Variants in RARS1 observed in about 807,000 individuals in gnomAD.
The protein encoded by RARS1 is arginyl-tRNA synthetase 1, also known as arginine--tRNA ligase, cytoplasmic.
Under a neutral mutation model 78.7 loss-of-function variants are expected in RARS1, and 75 were observed. The ratio of observed to expected loss-of-function variants is 0.95; its 90% CI spans 0.79 to 1.15. The LOEUF is 1.15. Among genes scored for constraint, RARS1 ranks in the 50% most tolerant of loss-of-function variants. The pLI, the probability that RARS1 is intolerant of heterozygous loss-of-function variation, is 0.00. For synonymous variants in RARS1, 273 were observed against 268.2 expected, an observed-to-expected ratio of 1.02 and a Z score of -0.18; for missense variants, 787 against 787.5, an observed-to-expected ratio of 1.00 and a Z score of 0.01.
chr5:168,486,564 C>T (rs747909847), intron 1 of RARS1, 21 bp downstream of exon 1: 1 of 1,552,916 alleles, frequency 6.4e-7, no homozygotes, highest in South Asian at 1.2e-5. Context: ...AGGAGACCGG[C>T]GGGAAGGCCT....
intron 1 of RARS1, among the ~76,000 whole-genome samples, chr5:168,487,288 C>A (rs914770689): frequency 1.3e-5 from 2 of 151,956 alleles, no homozygotes; most frequent in African/African-American, 4.8e-5. Flanking sequence ...ATGGCGTGAA[C>A]CCGGGAGGCG....
intron 13 of RARS1, 144 bp downstream of exon 13, chr5:168,517,094 G>A: frequency 3.6e-6 from 3 of 823,484 alleles, no homozygotes; most frequent in South Asian, 1.8e-5. Context: ...GAGTAGCTGG[G>A]ATTACTGACA....
chr5:168,517,665 A>G (rs765163403), intron 13 of RARS1, 150 bp from the exon 14 acceptor site: 15 of 1,063,546 alleles, frequency 1.4e-5, no homozygotes, highest in African/African-American at 4.8e-5. Context: ...AGATCTGGCT[A>G]TTAGTTTTGC....
intron 9 of RARS1, among the ~76,000 whole-genome samples, chr5:168,504,593 G>A (rs1289510201): frequency 1.3e-5 from 2 of 151,632 alleles, no homozygotes; most frequent in Non-Finnish European, 2.9e-5. Flanking sequence ...TTGGGAGGCC[G>A]AGGCAGGCGG....
At chr5:168,511,346 A>G (rs1485595269) in intron 12 of RARS1, among the ~76,000 whole-genome samples, 1 of 152,104 alleles carries the variant, frequency 6.6e-6, no homozygotes, top group Non-Finnish European at 1.5e-5. Context: ...GGAAGGCCTC[A>G]GGGAACTTTT....
At chr5:168,499,674 G>T (rs1006832961) in intron 7 of RARS1, among the ~76,000 whole-genome samples, 9 of 151,472 alleles carry the variant, frequency 5.9e-5, no homozygotes, top group Admixed American at 5.3e-4. Flanking sequence ...GAAATTGTTT[G>T]TATAAATAAA....
In RARS1 at chr5:168,492,679, C is replaced by G; in HGVS notation, c.201C>G (p.Asn67Lys). The G allele has an allele frequency of 6.2e-7, 1 of 1,606,312 alleles. No homozygotes were observed. Among genetic ancestry groups the G allele is most frequent in the Non-Finnish European group, 8.5e-7 (1 of 1,173,358 alleles). The change falls in exon 3 of 15, where the codon AAC (asparagine) becomes AAG (lysine). Residue 67 changes from asparagine (N) to lysine (K), a missense_variant. By Grantham distance (94) the Asn-to-Lys change is moderately conservative. Transcript: ENST00000231572. ...TACAGAGTCTTCAGGCAGAAAGGAA[C>G]AAACCAACTAAAAATATGATTAACA... ...ILRKSLQAERNKPTKNMINII... is the reference protein window; with the variant it reads ...ILRKSLQAERKKPTKNMINII...
In RARS1 at chr5:168,495,239, T is replaced by C. The variant is rs188454389; in HGVS notation, c.580-76T>C. The C allele has an allele frequency of 1.8e-4, 270 of 1,520,330 alleles. 1 individual carries two copies. The East Asian group carries it at 5.5e-3, about 31-fold the overall frequency. The allele number at this position is 1,520,330 out of a possible 1,614,324, so 94.2% of individuals were successfully genotyped here. The stretch of plus-strand genomic sequence containing the variant: ...TGAATGCATTGGAACAAAATGTTTA[T>C]GCTCCTCTTAAAAAAATCTTTCTCT... On this transcript the variant is annotated intron_variant, in intron 5 of 14. Coordinates refer to ENST00000231572, the MANE Select transcript of RARS1 (RefSeq NM_002887.4).
rs244903 is a variant in RARS1 at position 168,486,505 on chromosome 5, G to A, written c.7G>A (p.Val3Ile). MD[V>I]LVSECSARLL... ...GTGAGACGCTGATGGGAGGATGGACGTACTGGTGTCTGAGTGCTCCGCGCG... is the reference window on the plus strand; with the variant it reads ...GTGAGACGCTGATGGGAGGATGGACATACTGGTGTCTGAGTGCTCCGCGCG... The change falls in exon 1 of 15, where the codon GTA becomes ATA. Residue 3 changes from valine to isoleucine, a missense_variant. Transcript: ENST00000231572. 0.57 allele frequency: 892,105 copies of A among 1,558,010 alleles called. 260,198 individuals carry two copies. The highest frequency in any genetic ancestry group is 0.88 in the East Asian group (37,085 of 42,148).
chr5:168,502,395 T>A (rs1323432055), intron 9 of RARS1, among the ~76,000 whole-genome samples: 1 of 145,768 alleles, frequency 6.9e-6, no homozygotes, highest in Non-Finnish European at 1.5e-5. Flanking sequence ...TTTTTTTTTT[T>A]TAAAACAATC....
Position 168,513,780 on chromosome 5 carries a change from G to C in RARS1, c.1453-2998G>C, listed in dbSNP as rs185059988. ...TTTTCGCCCTTTCCTGCAGTTTTTT[G>C]ATTCCACCTGGGATTATTTTTCCAC... On this transcript the variant is annotated intron_variant, in intron 12 of 14. Transcript: ENST00000231572. 3.9e-5 allele frequency among the ~76,000 whole-genome samples: 6 copies of C among 152,028 alleles called. No individual in the cohort carries two copies. In the South Asian group the frequency reaches 6.2e-4, roughly 16 times the overall value.
intron 2 of RARS1, among the ~76,000 whole-genome samples, chr5:168,491,946 C>CTTTTTTTTTTTTTTTTTTTTT (rs149780336): frequency 9.7e-6 from 1 of 102,614 alleles, no homozygotes; most frequent in African/African-American, 3.8e-5. Flanking sequence ...TGTCATTCAC[C>CTTTTTTTTTTTTTTTTTTTTT]TTTTTTTTTT....
At chr5:168,493,773 C>G in intron 3 of RARS1, 121 bp from the exon 4 acceptor site, 1 of 718,094 alleles carries the variant, frequency 1.4e-6, no homozygotes, top group East Asian at 2.7e-5. Context: ...GATTGGACTT[C>G]TCTGCTTCTG....
At chr5:168,498,405 T>A (rs747225569) in intron 7 of RARS1, among the ~76,000 whole-genome samples, 2 of 152,168 alleles carry the variant, frequency 1.3e-5, no homozygotes, top group African/African-American at 2.4e-5. Flanking sequence ...TTTCACATCA[T>A]CCATAATTTT....
rs528902300 is a variant in RARS1 at position 168,508,041 on chromosome 5, A to T, written c.1346+1210A>T. On this transcript the variant is annotated intron_variant, in intron 11 of 14. Transcript: ENST00000231572. ...CTGTGTCTCAAAAACAAAAAGAATA[A>T]CTAAGAAGACACTAAGTCCTTATTA... Among the ~76,000 whole-genome samples, 283 of 152,254 alleles carry T rather than the reference A, an allele frequency of 1.9e-3. 2 individuals are homozygous for T. The highest frequency in any genetic ancestry group is 6.4e-3 in the African/African-American group (266 of 41,532).
At position 168,494,649 on chromosome 5, in the gene RARS1, AG is replaced by A. The variant is rs1197754840; in HGVS notation, c.579+1del. ...CTACCTGCTCTGGGAGAGAATAAAA[AG>A]GTATATGTACACTCTTCTATTAATA... ...VQLPALGENK[K>X]VIVDFSSPNI... On this transcript the variant is annotated frameshift_variant and splice_region_variant, in exon 5 of 15. Coordinates refer to ENST00000231572, the MANE Select transcript of RARS1 (RefSeq NM_002887.4). LOFTEE classifies it high-confidence loss of function. 1 of 1,553,446 alleles carries A rather than the reference AG, an allele frequency of 6.4e-7. No individual in the cohort carries two copies. The highest frequency in any genetic ancestry group is 2.2e-5 in the East Asian group (1 of 44,558).
At chr5:168,494,150 G>A in intron 4 of RARS1, 148 bp downstream of exon 4, 1 of 1,280,466 alleles carries the variant, frequency 7.8e-7, no homozygotes, top group Non-Finnish European at 1.0e-6. Context: ...ATAGGAAATT[G>A]AAGTTTTAAT....
At chr5:168,501,114 AATTT>A (rs1455157677) in intron 8 of RARS1, among the ~76,000 whole-genome samples, 1 of 152,170 alleles carries the variant, frequency 6.6e-6, no homozygotes, top group Non-Finnish European at 1.5e-5. Context: ...TAGTTCTCCA[AATTT>A]ATTTATGATT....
At chr5:168,512,957 A>C (rs1037873920) in intron 12 of RARS1, among the ~76,000 whole-genome samples, 1 of 152,186 alleles carries the variant, frequency 6.6e-6, no homozygotes, top group Non-Finnish European at 1.5e-5. Flanking sequence ...TGGTGAGTGC[A>C]TAGTGACTTA....
Sources: allele counts gnomAD v4.1 joint callset (sites outside exome capture counted in the v4.1 genomes callset), GRCh38; gene constraint gnomAD v4.1.1; transcripts MANE v1.5; gene names NCBI Gene and HGNC (gene_info 2026-07-23, HGNC 2026-07-21).